GRID2: variants seen among roughly 807,000 people sequenced by gnomAD.
GRID2 encodes the protein glutamate receptor ionotropic, delta-2.
GRID2 carries 33 observed loss-of-function variants against 114.8 expected under a neutral mutation model. The observed-to-expected ratio is 0.29, with a 90% confidence interval of 0.22 to 0.38. GRID2 has a LOEUF of 0.38. Ranked by LOEUF, GRID2 falls within the 10% of genes least tolerant of loss-of-function variation. GRID2 has a pLI of 1.00. For missense variants in GRID2, 1,184 were observed against 1,257.7 expected (o/e 0.94, Z 0.89); for synonymous variants, 505 against 449.9 (o/e 1.12, Z -1.55).
intron 8 of GRID2, among the ~76,000 whole-genome samples, chr4:93,278,176 C>T (rs1160525159): frequency 6.6e-6 from 1 of 151,560 alleles, no homozygotes; most frequent in Non-Finnish European, 1.5e-5. Context: ...TTTCAAGTTT[C>T]CATAGTAGGT....
At chr4:92,956,518 G>T (rs1752422787) in intron 2 of GRID2, among the ~76,000 whole-genome samples, 1 of 151,806 alleles carries the variant, frequency 6.6e-6, no homozygotes, top group Admixed American at 6.6e-5. Flanking sequence ...TTTTTTTAGT[G>T]CTAAATAATA....
chr4:93,442,860 T>C (rs28722812), intron 10 of GRID2, among the ~76,000 whole-genome samples: 32,007 of 151,940 alleles, frequency 0.21, 6,313 homozygotes, highest in African/African-American at 0.52. Context: ...TGTTCAAAAC[T>C]GAATTTCTGA....
intron 10 of GRID2, among the ~76,000 whole-genome samples, chr4:93,428,830 C>T (rs1005827968): frequency 6.6e-6 from 1 of 152,056 alleles, no homozygotes; most frequent in African/African-American, 2.4e-5. Flanking sequence ...TGCCGACGCC[C>T]ACTCAGGAAA....
chr4:93,628,545 G>A (rs989566895), intron 14 of GRID2, among the ~76,000 whole-genome samples: 4 of 152,036 alleles, frequency 2.6e-5, no homozygotes, highest in Non-Finnish European at 5.9e-5. Context: ...CCTTCTAAGG[G>A]AAGAAACACA....
At chr4:92,441,882 A>G (rs1733109841) in intron 1 of GRID2, among the ~76,000 whole-genome samples, 1 of 152,018 alleles carries the variant, frequency 6.6e-6, no homozygotes, top group African/African-American at 2.4e-5. Flanking sequence ...AATGAGATAC[A>G]GCTGTAGTCC....
chr4:92,357,864 T>C (rs997865612), intron 1 of GRID2, among the ~76,000 whole-genome samples: 1 of 151,924 alleles, frequency 6.6e-6, no homozygotes, highest in Non-Finnish European at 1.5e-5. Context: ...TGGACCTCTA[T>C]TAAGACAGGG....
intron 2 of GRID2, among the ~76,000 whole-genome samples, chr4:93,083,953 A>G (rs1730108441): frequency 6.6e-6 from 1 of 152,228 alleles, no homozygotes; most frequent in South Asian, 2.1e-4. Flanking sequence ...ATTATATACA[A>G]GAACTTACCA....
intron 2 of GRID2, among the ~76,000 whole-genome samples, chr4:92,612,240 T>C (rs942623032): frequency 1.3e-5 from 2 of 151,512 alleles, no homozygotes; most frequent in African/African-American, 4.8e-5. Context: ...TGTTGAATTA[T>C]TTTGGCACTT....
intron 2 of GRID2, among the ~76,000 whole-genome samples, chr4:93,021,433 TAG>T (rs1723274914): frequency 1.3e-5 from 2 of 149,792 alleles, no homozygotes; most frequent in Non-Finnish European, 3.0e-5. Context: ...ATAAAAATGA[TAG>T]ATATTTAATT....
intron 1 of GRID2, among the ~76,000 whole-genome samples, chr4:92,588,492 C>T (rs922836450): frequency 1.3e-5 from 2 of 151,000 alleles, no homozygotes; most frequent in African/African-American, 4.9e-5. Flanking sequence ...CTGGCTAACA[C>T]AGTGAAACCC....
intron 13 of GRID2, among the ~76,000 whole-genome samples, chr4:93,517,640 C>G (rs1729864721): frequency 6.6e-6 from 1 of 151,840 alleles, no homozygotes; most frequent in Non-Finnish European, 1.5e-5. Context: ...AAAAAACAAC[C>G]AACAAACAAA....
intron 2 of GRID2, among the ~76,000 whole-genome samples, chr4:93,068,943 G>A (rs764275763): frequency 8.6e-5 from 13 of 151,936 alleles, no homozygotes; most frequent in Non-Finnish European, 1.2e-4. Flanking sequence ...GGATGTCTCA[G>A]GAAACTTATA....
intron 2 of GRID2, among the ~76,000 whole-genome samples, chr4:92,693,031 AAAG>A (rs1734253004): frequency 6.6e-6 from 1 of 151,406 alleles, no homozygotes; most frequent in South Asian, 2.1e-4. Flanking sequence ...AAAAAAAAAA[AAAG>A]AAAAGAAAAG....
At chr4:93,795,602 T>C (rs1467449824) in intron 1 of GRID2, among the ~76,000 whole-genome samples, 1 of 152,202 alleles carries the variant, frequency 6.6e-6, no homozygotes, top group Non-Finnish European at 1.5e-5. Flanking sequence ...AATTTTTTAG[T>C]TAAAATTATT....
At chr4:92,503,660 C>T (rs11931535) in intron 1 of GRID2, among the ~76,000 whole-genome samples, 2,970 of 152,198 alleles carry the variant, frequency 0.02, 100 homozygotes, top group African/African-American at 0.068. Flanking sequence ...AGTCCCAGAA[C>T]AGCATGATTT....
At chr4:93,332,650 A>G (rs1010403393) in intron 8 of GRID2, among the ~76,000 whole-genome samples, 2 of 152,256 alleles carry the variant, frequency 1.3e-5, no homozygotes, top group African/African-American at 4.8e-5. Flanking sequence ...AATATGTCAC[A>G]TTGTTTTAAG....
At chr4:92,551,254 C>CTGTGTG (rs34809917) in intron 1 of GRID2, among the ~76,000 whole-genome samples, 2,836 of 146,962 alleles carry the variant, frequency 0.019, 41 homozygotes, top group Middle Eastern at 0.082. Context: ...ACATCTACAC[C>CTGTGTG]TGTGTGTGTG....
chr4:93,767,313 G>A (rs1406671528), intron 14 of GRID2, among the ~76,000 whole-genome samples: 2 of 152,144 alleles, frequency 1.3e-5, no homozygotes, highest in African/African-American at 4.8e-5. Context: ...GTAGGTACTG[G>A]TTTGCTGTGA....
At chr4:93,654,766 G>A (rs72873048) in intron 14 of GRID2, among the ~76,000 whole-genome samples, 18,336 of 152,008 alleles carry the variant, frequency 0.12, 1,156 homozygotes, top group Middle Eastern at 0.14. Context: ...ATAAGGAGCC[G>A]AATGAGAAAA....
Sources: allele counts gnomAD v4.1 joint callset (sites outside exome capture counted in the v4.1 genomes callset), GRCh38; gene constraint gnomAD v4.1.1; transcripts MANE v1.5; gene names NCBI Gene and HGNC (gene_info 2026-07-23, HGNC 2026-07-21).